The following MSH3 variants were observed in gnomAD, a reference collection of about 807,000 sequenced individuals.
The protein encoded by MSH3 is DNA mismatch repair protein Msh3.
Under a neutral mutation model 123.3 loss-of-function variants are expected in MSH3, and 106 were observed. That is an observed-to-expected ratio of 0.86 (90% CI 0.73 to 1.01). The LOEUF (loss-of-function observed/expected upper bound fraction) is 1.01. MSH3 is among the 50% of genes least tolerant of loss of function. The pLI, the probability that MSH3 is intolerant of heterozygous loss-of-function variation, is 0.00. For synonymous variants in MSH3, 515 were observed against 481.4 expected (o/e 1.07, Z -0.91); for missense variants, 1,459 against 1,347.6 (o/e 1.08, Z -1.29).
chr5:80,768,237 A>C, intron 14 of MSH3, 117 bp downstream of exon 14: 1 of 952,732 alleles, frequency 1.0e-6, no homozygotes, highest in South Asian at 1.4e-5. Flanking sequence ...GCATGAGTAC[A>C]TATATAATTA....
chr5:80,770,979 TTTATC>T (rs886739792), intron 15 of MSH3, among the ~76,000 whole-genome samples: 4 of 152,148 alleles, frequency 2.6e-5, no homozygotes, highest in African/African-American at 9.7e-5. Context: ...TCAGTTATCT[TTTATC>T]TTTACTAGGT....
intron 3 of MSH3, among the ~76,000 whole-genome samples, chr5:80,668,803 A>G (rs1749628975): frequency 6.6e-6 from 1 of 152,164 alleles, no homozygotes; most frequent in Admixed American, 6.5e-5. Flanking sequence ...CCAGCCCCCA[A>G]GAGCACAGGG....
At chr5:80,862,133 C>G (rs965707292) in intron 21 of MSH3, among the ~76,000 whole-genome samples, 1 of 152,070 alleles carries the variant, frequency 6.6e-6, no homozygotes, top group Middle Eastern at 3.2e-3. Context: ...AGCACAGTGT[C>G]GGATCCCAGA....
rs1232833937 is a variant in MSH3 at position 80,728,836 on chromosome 5, T to G, written c.1454-15T>G. The G allele has an allele frequency of 7.7e-7, 1 of 1,301,570 alleles. No individual in the cohort carries two copies. The highest frequency in any genetic ancestry group is 1.7e-5 in the Admixed American group (1 of 59,304). 80.6% of individuals were successfully genotyped at this position (1,301,570 alleles called of 1,614,324 possible). ...AAAGAATTTTTATAACAAGTTAATA[T>G]ATTCTGTTTTCTAGGTTCTCAAATT... On this transcript the variant is annotated splice_polypyrimidine_tract_variant and intron_variant, in intron 9 of 23. Coordinates refer to ENST00000265081, the MANE Select transcript of MSH3 (RefSeq NM_002439.5).
intron 8 of MSH3, among the ~76,000 whole-genome samples, chr5:80,701,193 C>G (rs770457767): frequency 6.6e-6 from 1 of 151,722 alleles, no homozygotes; most frequent in Non-Finnish European, 1.5e-5. Flanking sequence ...GGAAACAGTA[C>G]GAGTTGCAAG....
intron 20 of MSH3, among the ~76,000 whole-genome samples, chr5:80,823,729 G>A (rs1443548334): frequency 6.6e-6 from 1 of 151,852 alleles, no homozygotes; most frequent in Non-Finnish European, 1.5e-5. Flanking sequence ...GATCATTCTT[G>A]GGTGTTTCTC....
At chr5:80,682,780 A>G (rs951934444) in intron 8 of MSH3, among the ~76,000 whole-genome samples, 1 of 152,136 alleles carries the variant, frequency 6.6e-6, no homozygotes, top group Non-Finnish European at 1.5e-5. Flanking sequence ...ATGATTTTTG[A>G]CTGTAGTCAT....
intron 21 of MSH3, among the ~76,000 whole-genome samples, chr5:80,859,161 C>T (rs1745968404): frequency 2.6e-5 from 4 of 152,100 alleles, no homozygotes; most frequent in Admixed American, 2.6e-4. Context: ...CACTCTGTCA[C>T]CCAGGCTGGA....
At chr5:80,717,048 G>T (rs931668571) in intron 8 of MSH3, among the ~76,000 whole-genome samples, 8 of 152,086 alleles carry the variant, frequency 5.3e-5, no homozygotes, top group Non-Finnish European at 8.8e-5. Context: ...TCATTTTTTG[G>T]GGGGGGCTGA....
chr5:80,725,671 T>C (rs1055664345), intron 9 of MSH3, 106 bp downstream of exon 9: 8 of 799,406 alleles, frequency 1.0e-5, no homozygotes, highest in African/African-American at 6.9e-5. Context: ...ATTATAAATA[T>C]GTGGGAGAAG....
chr5:80,715,837 G>A (rs1378335277), intron 8 of MSH3, among the ~76,000 whole-genome samples: 1 of 152,146 alleles, frequency 6.6e-6, no homozygotes, highest in Non-Finnish European at 1.5e-5. Flanking sequence ...CCACTCCCAT[G>A]ATCCAGTCAC....
chr5:80,690,177 G>T (rs1750195727), intron 8 of MSH3, among the ~76,000 whole-genome samples: 1 of 152,054 alleles, frequency 6.6e-6, no homozygotes, highest in South Asian at 2.1e-4. Flanking sequence ...CCTCAGCCTT[G>T]CGAGTTCTTG....
At position 80,774,164 on chromosome 5, in the gene MSH3, C is replaced by T. The variant is rs191036115; in HGVS notation, c.2254-1530C>T. ...GAATGGTGTGATAGAACTTCACTTGCTTCCTGGCTGATTTCAGAGAACCTT... is the reference window on the plus strand; with the variant it reads ...GAATGGTGTGATAGAACTTCACTTGTTTCCTGGCTGATTTCAGAGAACCTT... On this transcript the variant is annotated intron_variant, in intron 15 of 23. Coordinates refer to ENST00000265081, the MANE Select transcript of MSH3 (RefSeq NM_002439.5). Among the ~76,000 whole-genome samples, 215 of 152,256 alleles carry T rather than the reference C, an allele frequency of 1.4e-3. 1 individual carries two copies. Among genetic ancestry groups the T allele is most frequent in the African/African-American group, 4.9e-3 (203 of 41,542 alleles).
intron 12 of MSH3, among the ~76,000 whole-genome samples, chr5:80,750,113 C>G (rs868168168): frequency 1.2e-3 from 51 of 43,942 alleles, no homozygotes; most frequent in Middle Eastern, 9.1e-3. Flanking sequence ...GTGTGTGTGT[C>G]ACATTTAAAA....
At chr5:80,804,671 G>A (rs1175756343) in intron 19 of MSH3, among the ~76,000 whole-genome samples, 1 of 152,152 alleles carries the variant, frequency 6.6e-6, no homozygotes, top group Non-Finnish European at 1.5e-5. Flanking sequence ...GCTGAGGGAG[G>A]GGTGACTCAA....
At chr5:80,790,127 C>T (rs943555147) in intron 18 of MSH3, among the ~76,000 whole-genome samples, 12 of 152,246 alleles carry the variant, frequency 7.9e-5, no homozygotes, top group African/African-American at 2.9e-4. Context: ...TAAAAATTTA[C>T]TCTAGCTTTG....
chr5:80,829,788 A>G (rs1745387940), intron 20 of MSH3, among the ~76,000 whole-genome samples: 1 of 152,188 alleles, frequency 6.6e-6, no homozygotes, highest in Admixed American at 6.5e-5. Context: ...ATTGTCTGAA[A>G]CAGATTATAG....
At chr5:80,655,676 G>A (rs1359783907) in intron 1 of MSH3, 1 of 180,690 alleles carries the variant, frequency 5.5e-6, no homozygotes, top group African/African-American at 2.4e-5. Flanking sequence ...TTCAGATTGA[G>A]GCTGTGGAAG....
intron 20 of MSH3, among the ~76,000 whole-genome samples, chr5:80,853,200 G>C (rs755984747): frequency 6.6e-6 from 1 of 152,150 alleles, no homozygotes; most frequent in African/African-American, 2.4e-5. Context: ...GGCTGGGCAC[G>C]GTGGCTCATG....
Sources: gnomAD v4.1 joint callset for allele counts (sites outside exome capture counted in the v4.1 genomes callset) on GRCh38, gnomAD v4.1.1 for gene constraint, MANE v1.5 for transcripts, NCBI Gene and HGNC (gene_info 2026-07-23, HGNC 2026-07-21) for gene names.